Variants in MTHFD2L observed in about 807,000 individuals in gnomAD.
MTHFD2L encodes the protein methylenetetrahydrofolate dehydrogenase (NADP+ dependent) 2 like.
A neutral mutation model predicts 34.9 loss-of-function variants in MTHFD2L; 29 were observed. That is an observed-to-expected ratio of 0.83 (90% CI 0.62 to 1.13). The LOEUF (loss-of-function observed/expected upper bound fraction) is 1.13, where lower values mean the gene tolerates loss of function less well. MTHFD2L is among the 50% of genes most tolerant of loss of function. The probability of loss-of-function intolerance (pLI) is 0.00; values close to 1 mark genes in which losing one functional copy is unlikely to be tolerated. For synonymous variants in MTHFD2L, 167 were observed against 155.7 expected, an observed-to-expected ratio of 1.07 and a Z score of -0.54; for missense variants, 481 against 446.5, an observed-to-expected ratio of 1.08 and a Z score of -0.70.
chr4:74,121,280 A>G (rs186310859), upstream of MTHFD2L, among the ~76,000 whole-genome samples: 539 of 152,282 alleles, frequency 3.5e-3, 8 homozygotes, highest in African/African-American at 0.012. Context: ...GGCAAATGAC[A>G]ATGCCCTTAA....
upstream of MTHFD2L, among the ~76,000 whole-genome samples, chr4:74,154,094 G>A (rs548072231): frequency 3.9e-4 from 59 of 152,014 alleles, 1 homozygote; most frequent in Admixed American, 7.2e-4. Flanking sequence ...ATACTCTTCG[G>A]GTATATTGTA....
intron 7 of MTHFD2L, among the ~76,000 whole-genome samples, chr4:74,290,142 A>C (rs774668911): frequency 6.6e-6 from 1 of 152,184 alleles, no homozygotes; most frequent in Non-Finnish European, 1.5e-5. Flanking sequence ...AATCTCCCCT[A>C]TAAAGGGACC....
chr4:74,272,381 C>G (rs944939854), intron 6 of MTHFD2L, among the ~76,000 whole-genome samples: 37 of 152,060 alleles, frequency 2.4e-4, no homozygotes, highest in African/African-American at 8.5e-4. Flanking sequence ...ATGGTCATAC[C>G]TATATCAATC....
intron 3 of MTHFD2L, among the ~76,000 whole-genome samples, chr4:74,185,166 A>AAAAAAAAAAAAAAAAAAAAAAAAAAAAAC (rs1730943643): frequency 6.6e-6 from 1 of 150,680 alleles, no homozygotes; most frequent in African/African-American, 2.4e-5. Context: ...AAAAAAAAAA[A>AAAAAAAAAAAAAAAAAAAAAAAAAAAAAC]AAAAAAAAAA....
At chr4:74,208,086 A>G (rs1735663143) in intron 5 of MTHFD2L, among the ~76,000 whole-genome samples, 1 of 152,082 alleles carries the variant, frequency 6.6e-6, no homozygotes, top group Non-Finnish European at 1.5e-5. Context: ...GATGGCAGGT[A>G]TTTAGTCTCT....
At chr4:74,124,148 C>G (rs2109782470), upstream of MTHFD2L, among the ~76,000 whole-genome samples, 1 of 152,122 alleles carries the variant, frequency 6.6e-6, no homozygotes, top group African/African-American at 2.4e-5. Flanking sequence ...AGACAGTAAT[C>G]ATTTTCTGCC....
In MTHFD2L at chr4:74,294,936, G is replaced by A. The variant is rs548489429; in HGVS notation, c.932-6761G>A. On this transcript the variant is annotated intron_variant, in intron 7 of 7. Transcript: ENST00000325278. ...AATTTCTTGAGTAATGATTTACTGG[G>A]ATGCAATAGCCTGAAACTTCATGAA... Among the ~76,000 whole-genome samples the A allele has an allele frequency of 8.4e-4, 128 of 152,166 alleles. 1 individual carries two copies. The highest frequency in any genetic ancestry group is 1.4e-3 in the Non-Finnish European group (97 of 67,992).
At chr4:74,213,335 T>C (rs939386387) in intron 5 of MTHFD2L, among the ~76,000 whole-genome samples, 3 of 152,118 alleles carry the variant, frequency 2.0e-5, no homozygotes, top group East Asian at 3.9e-4. Context: ...GTGGGTGATA[T>C]CAGTTTTTAC....
intron 4 of MTHFD2L, among the ~76,000 whole-genome samples, chr4:74,200,764 AAGT>A (rs1179044295): frequency 1.4e-4 from 22 of 152,320 alleles, no homozygotes; most frequent in African/African-American, 4.6e-4. Context: ...AGTCCAAAAG[AAGT>A]AGAAGGTTCT....
At chr4:74,268,329 T>A (rs1745563278) in intron 6 of MTHFD2L, 1 of 847,732 alleles carries the variant, frequency 1.2e-6, no homozygotes, top group Admixed American at 6.2e-5. Flanking sequence ...ATTATCTTTA[T>A]TTATGTAGTA....
chr4:74,154,688 A>C (rs149129088), upstream of MTHFD2L, among the ~76,000 whole-genome samples: 126 of 152,202 alleles, frequency 8.3e-4, no homozygotes, highest in African/African-American at 2.8e-3. Context: ...ATCATCTAAT[A>C]TATTTCCTGA....
chr4:74,297,629 A>G (rs539140653), intron 7 of MTHFD2L, among the ~76,000 whole-genome samples: 2 of 152,212 alleles, frequency 1.3e-5, no homozygotes, highest in Admixed American at 1.3e-4. Context: ...TCTTCAGCCA[A>G]GTGCAAACCT....
chr4:74,176,588 C>T (rs1329235504), intron 3 of MTHFD2L, among the ~76,000 whole-genome samples: 8 of 152,014 alleles, frequency 5.3e-5, no homozygotes, highest in African/African-American at 9.7e-5. Context: ...AGTGACCAAT[C>T]ATTTGAAAGA....
At chr4:74,187,374 A>G (rs1383068560) in intron 3 of MTHFD2L, among the ~76,000 whole-genome samples, 1 of 152,216 alleles carries the variant, frequency 6.6e-6, no homozygotes, top group African/African-American at 2.4e-5. Context: ...AACAGGACAG[A>G]AAAAACTTTT....
chr4:74,302,992 C>T lies in MTHFD2L; in HGVS notation c.*1183C>T, dbSNP rs1374999605. Reference sequence around the variant, plus strand: ...TTATGTACCAATAATGACTCTTACCCAGCGCATGTCTTTATCAGTGTGTAC... The same window carrying T: ...TTATGTACCAATAATGACTCTTACCTAGCGCATGTCTTTATCAGTGTGTAC... On this transcript the variant is annotated 3_prime_UTR_variant, in exon 8 of 8. Transcript: ENST00000325278. The T allele has an allele frequency of 1.3e-5, 2 of 152,092 alleles. No homozygotes were observed. The highest frequency in any genetic ancestry group is 6.6e-5 in the Admixed American group (1 of 15,256). 9.4% of individuals were successfully genotyped at this position (152,092 alleles called of 1,614,324 possible).
intron 3 of MTHFD2L, 112 bp from the exon 4 acceptor site, chr4:74,199,682 C>CT: frequency 2.2e-6 from 2 of 911,232 alleles, no homozygotes; most frequent in Non-Finnish European, 3.2e-6. Context: ...GACTTTACAC[C>CT]TTTTTTAGAG....
intron 5 of MTHFD2L, among the ~76,000 whole-genome samples, chr4:74,210,720 GA>G (rs1014056931): frequency 1.3e-5 from 2 of 152,020 alleles, no homozygotes; most frequent in Non-Finnish European, 2.9e-5. Flanking sequence ...CTAATTTTGT[GA>G]AAAAAGTCAG....
chr4:74,126,397 G>A (rs565862677), intron 1 of MTHFD2L, among the ~76,000 whole-genome samples: 6 of 152,208 alleles, frequency 3.9e-5, no homozygotes, highest in African/African-American at 1.4e-4. Context: ...GTGAATCTGT[G>A]AGTGACAAAG....
chr4:74,135,122 G>A (rs1417748116), intron 1 of MTHFD2L, among the ~76,000 whole-genome samples: 3 of 151,764 alleles, frequency 2.0e-5, no homozygotes, highest in Non-Finnish European at 4.4e-5. Flanking sequence ...AGGCCTTAGA[G>A]CATCACATTA....
Sources: gnomAD v4.1 joint callset for allele counts (sites outside exome capture counted in the v4.1 genomes callset) on GRCh38, gnomAD v4.1.1 for gene constraint, MANE v1.5 for transcripts, NCBI Gene and HGNC (gene_info 2026-07-23, HGNC 2026-07-21) for gene names.